Variants in MALRD1 observed in about 807,000 individuals in gnomAD.
MALRD1 encodes the protein MAM and LDL receptor class A domain containing 1.
In MALRD1, 247 loss-of-function variants were observed where a neutral mutation model predicts 242.1. That is an observed-to-expected ratio of 1.02 (90% CI 0.92 to 1.13). MALRD1 has a LOEUF of 1.13. MALRD1 is among the 50% of genes most tolerant of loss of function. The probability of loss-of-function intolerance (pLI) is 0.00; values close to 1 mark genes in which losing one functional copy is unlikely to be tolerated. For synonymous variants in MALRD1, 995 were observed against 866.6 expected (o/e 1.15, Z -2.60); for missense variants, 2,989 against 2,533.1 (o/e 1.18, Z -3.86).
At chr10:19,234,621 G>T (rs569517481) in intron 18 of MALRD1, among the ~76,000 whole-genome samples, 5 of 92,198 alleles carry the variant, frequency 5.4e-5, no homozygotes, top group Non-Finnish European at 1.0e-4. Context: ...AGTTCAAAGG[G>T]AGCTTATCTT....
rs1836722258 is a variant in MALRD1, at chr10:19,204,999, G to A, written c.2312G>A (p.Gly771Asp). The A allele has an allele frequency of 3.2e-6, 5 of 1,550,818 alleles. No homozygotes were observed. Among genetic ancestry groups the A allele is most frequent in the African/African-American group, 1.4e-5 (1 of 73,142 alleles). ...ATTTGGAGAGTATTATACAATCAGGGCAAACAATGGTTGGAGGCAACCATT... is the reference window on the plus strand; with the variant it reads ...ATTTGGAGAGTATTATACAATCAGGACAAACAATGGTTGGAGGCAACCATT... ...TVIWRVLYNQGKQWLEATIQL... is the reference protein window; with the variant it reads ...TVIWRVLYNQDKQWLEATIQL... The change falls in exon 17 of 40, where the codon GGC becomes GAC. Residue 771 changes from glycine to aspartate, a missense_variant. Transcript: ENST00000454679.
chr10:19,555,186 A>G (rs1835663512), intron 32 of MALRD1, among the ~76,000 whole-genome samples: 1 of 152,100 alleles, frequency 6.6e-6, no homozygotes, highest in South Asian at 2.1e-4. Context: ...AACAACCAGC[A>G]AGAACTCACT....
chr10:19,237,161 A>G (rs184662754), intron 18 of MALRD1, among the ~76,000 whole-genome samples: 77 of 152,030 alleles, frequency 5.1e-4, no homozygotes, highest in African/African-American at 1.7e-3. Context: ...CCTTTCTTCT[A>G]GACACTTTGT....
At chr10:19,497,268 AT>A (rs5783682) in intron 30 of MALRD1, among the ~76,000 whole-genome samples, 5,596 of 151,544 alleles carry the variant, frequency 0.037, 221 homozygotes, top group African/African-American at 0.093. Context: ...GGAATGTCTC[AT>A]TTTTTATCCA....
At chr10:19,504,047 C>T (rs2131265505) in intron 31 of MALRD1, among the ~76,000 whole-genome samples, 1 of 152,292 alleles carries the variant, frequency 6.6e-6, no homozygotes, top group East Asian at 1.9e-4. Flanking sequence ...AGCTAATGCT[C>T]TCCTATGTAT....
intron 28 of MALRD1, among the ~76,000 whole-genome samples, chr10:19,425,649 A>G (rs1259758170): frequency 2.0e-5 from 3 of 152,176 alleles, no homozygotes; most frequent in African/African-American, 7.2e-5. Flanking sequence ...TGTTGCATTA[A>G]GGGAGTTCAG....
intron 36 of MALRD1, among the ~76,000 whole-genome samples, chr10:19,665,229 A>G (rs79391765): frequency 0.021 from 3,155 of 152,248 alleles, 126 homozygotes; most frequent in African/African-American, 0.073. Context: ...ACATTTACAG[A>G]GAAGTGACAA....
intron 28 of MALRD1, among the ~76,000 whole-genome samples, chr10:19,437,913 T>A (rs900163617): frequency 3.9e-5 from 6 of 152,180 alleles, no homozygotes; most frequent in Admixed American, 6.6e-5. Context: ...CTTTACATCC[T>A]CAAATTGCCC....
chr10:19,163,529 G>C (rs1239231785), intron 12 of MALRD1, among the ~76,000 whole-genome samples: 2 of 151,908 alleles, frequency 1.3e-5, no homozygotes, highest in African/African-American at 4.8e-5. Context: ...AGGGAGAGGA[G>C]CAGAAAAGAT....
chr10:19,425,849 C>A (rs73595807), intron 28 of MALRD1, among the ~76,000 whole-genome samples: 13,282 of 152,128 alleles, frequency 0.087, 1,056 homozygotes, highest in African/African-American at 0.22. Context: ...TCCTTAGAGT[C>A]TCCTTCGAAC....
intron 36 of MALRD1, among the ~76,000 whole-genome samples, chr10:19,678,642 C>A (rs1842235814): frequency 6.6e-6 from 1 of 152,072 alleles, no homozygotes; most frequent in Admixed American, 6.6e-5. Context: ...CCCTTTATTT[C>A]TTTCTCTTCT....
At chr10:19,202,146 C>A (rs191251610) in intron 14 of MALRD1, among the ~76,000 whole-genome samples, 1 of 152,180 alleles carries the variant, frequency 6.6e-6, no homozygotes, top group East Asian at 1.9e-4. Context: ...AGTAAAGCTT[C>A]TTTCATTTCG....
intron 14 of MALRD1, among the ~76,000 whole-genome samples, chr10:19,185,097 C>T (rs578247844): frequency 1.1e-4 from 16 of 152,214 alleles, no homozygotes; most frequent in African/African-American, 3.9e-4. Flanking sequence ...TTCTTTCGTT[C>T]CAAGAGATAA....
intron 24 of MALRD1, among the ~76,000 whole-genome samples, chr10:19,346,330 C>T (rs78038939): frequency 0.01 from 1,542 of 152,232 alleles, 21 homozygotes; most frequent in African/African-American, 0.027. Flanking sequence ...GGGTTATCTG[C>T]GTTTCTTTGG....
At chr10:19,206,198 A>G (rs1188190092) in intron 17 of MALRD1, among the ~76,000 whole-genome samples, 2 of 152,062 alleles carry the variant, frequency 1.3e-5, no homozygotes, top group Non-Finnish European at 2.9e-5. Context: ...TAAAATGCTT[A>G]CTACATCATA....
chr10:19,057,395 C>T (rs926365404), intron 1 of MALRD1, among the ~76,000 whole-genome samples: 3 of 152,188 alleles, frequency 2.0e-5, no homozygotes, highest in Admixed American at 2.0e-4. Context: ...GACAGATCAC[C>T]TCTCCCGTGG....
intron 2 of MALRD1, among the ~76,000 whole-genome samples, chr10:19,080,993 G>A (rs531865595): frequency 5.3e-5 from 8 of 152,086 alleles, no homozygotes; most frequent in African/African-American, 1.9e-4. Context: ...CATTCGTGTG[G>A]CCCACAAACA....
intron 19 of MALRD1, among the ~76,000 whole-genome samples, chr10:19,273,137 C>T (rs953072311): frequency 6.6e-5 from 10 of 152,096 alleles, no homozygotes; most frequent in African/African-American, 1.7e-4. Flanking sequence ...AACTAATTTA[C>T]ACTCCCACCC....
At chr10:19,332,292 T>C (rs1451954513) in intron 24 of MALRD1, among the ~76,000 whole-genome samples, 4 of 151,994 alleles carry the variant, frequency 2.6e-5, no homozygotes, top group African/African-American at 9.6e-5. Context: ...TCTGTGTATA[T>C]TGTCAGATGT....
Sources: gnomAD v4.1 joint callset for allele counts (sites outside exome capture counted in the v4.1 genomes callset) on GRCh38, gnomAD v4.1.1 for gene constraint, MANE v1.5 for transcripts, NCBI Gene and HGNC (gene_info 2026-07-23, HGNC 2026-07-21) for gene names.